Variants in SPATA6 observed in about 807,000 individuals in gnomAD.
The protein encoded by SPATA6 is spermatogenesis-associated protein 6.
In SPATA6, 56 loss-of-function variants were observed where a neutral mutation model predicts 65.3. The ratio of observed to expected loss-of-function variants is 0.86; its 90% confidence interval spans 0.69 to 1.07. The LOEUF is 1.07. Among genes scored for constraint, SPATA6 ranks in the 50% least tolerant of loss-of-function variants. SPATA6 has a pLI of 0.00. For missense variants in SPATA6, 590 were observed against 594.8 expected (o/e 0.99, Z 0.08); for synonymous variants, 199 against 213.2 (o/e 0.93, Z 0.58).
At chr1:48,314,447 T>C (rs1220869742) in intron 11 of SPATA6, among the ~76,000 whole-genome samples, 3 of 152,110 alleles carry the variant, frequency 2.0e-5, no homozygotes, top group Non-Finnish European at 4.4e-5. Context: ...GACTACTGGG[T>C]ACATAATGAA....
intron 3 of SPATA6, among the ~76,000 whole-genome samples, chr1:48,442,717 TAAAAAAAAAAAAAAAAA>T (rs71056669): frequency 2.2e-5 from 1 of 46,212 alleles, no homozygotes; most frequent in South Asian, 1.3e-3. Context: ...ATGGAAGTAG[TAAAAAAAAAAAAAAAAA>T]AAAAAAAAAA....
the SPATA6 span, among the ~76,000 whole-genome samples, chr1:48,288,655 T>G: frequency 6.6e-6 from 1 of 152,182 alleles, no homozygotes; most frequent in Non-Finnish European, 1.5e-5. Flanking sequence ...CCTAAGACTG[T>G]GCTTTTCCAA....
the SPATA6 span, among the ~76,000 whole-genome samples, chr1:48,274,348 A>C: frequency 6.6e-6 from 1 of 152,262 alleles, no homozygotes; most frequent in East Asian, 1.9e-4. Flanking sequence ...TAGTTTAATT[A>C]GATCCCGTTG....
chr1:48,451,912 C>T (rs2148154383), intron 2 of SPATA6, among the ~76,000 whole-genome samples: 1 of 152,240 alleles, frequency 6.6e-6, no homozygotes, highest in South Asian at 2.1e-4. Flanking sequence ...TTTTCCTCTG[C>T]TTAAAATGCT....
chr1:48,313,120 A>G (rs557668272), intron 11 of SPATA6, among the ~76,000 whole-genome samples: 86 of 152,316 alleles, frequency 5.6e-4, no homozygotes, highest in African/African-American at 2.0e-3. Context: ...AAAACACTCC[A>G]CAGGATATTT....
At chr1:48,380,746 C>G (rs1648468103) in intron 9 of SPATA6, among the ~76,000 whole-genome samples, 1 of 152,052 alleles carries the variant, frequency 6.6e-6, no homozygotes, top group Non-Finnish European at 1.5e-5. Context: ...GAACAAATAC[C>G]AATGTGCATG....
Position 48,412,034 on chromosome 1 carries a change from A to G in SPATA6, c.281-446T>C, listed in dbSNP as rs189789139. Among the ~76,000 whole-genome samples, 333 of 151,998 alleles carry G rather than the reference A, an allele frequency of 2.2e-3. 2 individuals carry two copies. Among genetic ancestry groups the G allele is most frequent in the African/African-American group, 7.6e-3 (317 of 41,462 alleles). On this transcript the variant is annotated intron_variant, in intron 4 of 12. Coordinates refer to ENST00000371847, the MANE Select transcript of SPATA6 (RefSeq NM_019073.4). ...GGCATGCGCCACCACACCTAGCTAT[A>G]TATTTTTAGTAGAGATGGGGTTTCA...
At chr1:48,305,135 A>G (rs1239305580) in intron 12 of SPATA6, among the ~76,000 whole-genome samples, 4 of 152,206 alleles carry the variant, frequency 2.6e-5, no homozygotes, top group African/African-American at 9.6e-5. Flanking sequence ...GAGAGTAAAG[A>G]TCAGAGATTT....
chr1:48,344,550 T>C (rs1054090510), intron 11 of SPATA6, among the ~76,000 whole-genome samples: 3 of 152,082 alleles, frequency 2.0e-5, no homozygotes, highest in African/African-American at 4.8e-5. Context: ...TAAATCTAAA[T>C]GGGCTAAGTG....
Position 48,295,752 on chromosome 1 carries a change from G to C in SPATA6, c.*2961C>G, listed in dbSNP as rs1644802685. ...CTCAATAAAGCTATTATTAGCAAAT[G>C]AACACAATAATGAAAATTCTCTATT... On this transcript the variant is annotated 3_prime_UTR_variant, in exon 13 of 13. Coordinates refer to ENST00000371847, the MANE Select transcript of SPATA6 (RefSeq NM_019073.4). The C allele has an allele frequency of 6.6e-6, 1 of 152,110 alleles. No individual in the cohort carries two copies. The highest frequency in any genetic ancestry group is 6.6e-5 in the Admixed American group (1 of 15,266). The allele number at this position is 152,110 out of a possible 1,614,324, so 9.4% of individuals were successfully genotyped here.
intron 1 of SPATA6, among the ~76,000 whole-genome samples, chr1:48,469,670 TAGAC>T (rs1483865087): frequency 6.6e-6 from 1 of 151,844 alleles, no homozygotes; most frequent in Non-Finnish European, 1.5e-5. Flanking sequence ...AAAAAGGAAA[TAGAC>T]AAGAAAGGAA....
chr1:48,408,299 T>G (rs968577697), intron 5 of SPATA6, among the ~76,000 whole-genome samples: 2 of 152,230 alleles, frequency 1.3e-5, no homozygotes, highest in Admixed American at 1.3e-4. Context: ...TTTCCTCTTT[T>G]GAAATGGCAT....
the SPATA6 span, among the ~76,000 whole-genome samples, chr1:48,283,218 G>A: frequency 6.6e-6 from 1 of 150,592 alleles, no homozygotes; most frequent in Non-Finnish European, 1.5e-5. Context: ...AGCTTTAGGA[G>A]ATATATCTAA....
chr1:48,370,173 A>T (rs944027648), intron 9 of SPATA6, among the ~76,000 whole-genome samples: 1 of 152,220 alleles, frequency 6.6e-6, no homozygotes, highest in African/African-American at 2.4e-5. Flanking sequence ...TTACTCAACA[A>T]ATATTTGTTG....
chr1:48,445,952 A>T (rs1042750379), intron 3 of SPATA6, among the ~76,000 whole-genome samples: 2 of 152,184 alleles, frequency 1.3e-5, no homozygotes, highest in African/African-American at 4.8e-5. Flanking sequence ...TGTATAAGCA[A>T]TCAAGACCGA....
rs143895200 is a variant in SPATA6, at chr1:48,308,764, C to T, written c.1195-2886G>A. Among the ~76,000 whole-genome samples, 1,388 of 152,214 alleles carry T rather than the reference C, an allele frequency of 9.1e-3. 10 individuals are homozygous for T. The highest frequency in any genetic ancestry group is 0.031 in the Middle Eastern group (9 of 294). On this transcript the variant is annotated intron_variant, in intron 11 of 12. Coordinates refer to ENST00000371847, the MANE Select transcript of SPATA6 (RefSeq NM_019073.4). The stretch of plus-strand genomic sequence containing the variant: ...GTACATTGAATATATCATTACACTG[C>T]CTTTTGGACTCCACAGTTTCTGATT...
At chr1:48,402,449 T>C (rs1488749635) in intron 6 of SPATA6, among the ~76,000 whole-genome samples, 1 of 152,084 alleles carries the variant, frequency 6.6e-6, no homozygotes, top group Non-Finnish European at 1.5e-5. Flanking sequence ...ATGTGCACAG[T>C]GCACATCTCT....
intron 12 of SPATA6, among the ~76,000 whole-genome samples, chr1:48,303,262 T>G (rs1197179817): frequency 6.6e-6 from 1 of 152,190 alleles, no homozygotes; most frequent in African/African-American, 2.4e-5. Flanking sequence ...ATTTATCACT[T>G]CTTTGTATTG....
intron 11 of SPATA6, among the ~76,000 whole-genome samples, chr1:48,314,703 GA>G (rs1345021652): frequency 6.6e-6 from 1 of 152,068 alleles, no homozygotes; most frequent in East Asian, 1.9e-4. Flanking sequence ...GAGCAGAACT[GA>G]AGGAGACAGA....
Sources: gnomAD v4.1 joint callset for allele counts (sites outside exome capture counted in the v4.1 genomes callset) on GRCh38, gnomAD v4.1.1 for gene constraint, MANE v1.5 for transcripts, NCBI Gene and HGNC (gene_info 2026-07-23, HGNC 2026-07-21) for gene names.